AKT3: variants seen among roughly 807,000 people sequenced by gnomAD.
AKT3 encodes the protein RAC-gamma serine/threonine-protein kinase.
A neutral mutation model predicts 65.3 loss-of-function variants in AKT3; 15 were observed. The ratio of observed to expected loss-of-function variants is 0.23; its 90% CI spans 0.15 to 0.35. AKT3 has a LOEUF of 0.35. AKT3 is among the 10% of genes least tolerant of loss of function. The probability of loss-of-function intolerance (pLI) is 1.00; values close to 1 mark genes in which losing one functional copy is unlikely to be tolerated. For missense variants in AKT3, 243 were observed against 576.5 expected (o/e 0.42, Z 5.92); for synonymous variants, 206 against 183.8 (o/e 1.12, Z -0.98).
At chr1:243,520,468 C>T (rs544013091) in intron 12 of AKT3, among the ~76,000 whole-genome samples, 9 of 152,334 alleles carry the variant, frequency 5.9e-5, no homozygotes, top group African/African-American at 1.9e-4. Context: ...CAGCTTTAAA[C>T]CAGTATCTTC....
intron 12 of AKT3, among the ~76,000 whole-genome samples, chr1:243,534,903 A>C (rs902100756): frequency 6.6e-6 from 1 of 152,098 alleles, no homozygotes; most frequent in Non-Finnish European, 1.5e-5. Flanking sequence ...AAATAATCTA[A>C]GCTTTCAGGT....
At chr1:243,822,442 G>GGA (rs564389876) in intron 2 of AKT3, among the ~76,000 whole-genome samples, 3 of 149,456 alleles carry the variant, frequency 2.0e-5, no homozygotes, top group Non-Finnish European at 4.4e-5. Context: ...CAGAGCTGAA[G>GGA]GAGAGAGAGA....
chr1:243,595,617 G>A (rs1001328471), intron 8 of AKT3, among the ~76,000 whole-genome samples: 5 of 151,286 alleles, frequency 3.3e-5, no homozygotes, highest in Admixed American at 6.6e-5. Flanking sequence ...TTTTTTTAAC[G>A]TCTTTAACTT....
At position 243,490,345 on chromosome 1, in the gene AKT3, G is replaced by A. The variant is rs1199293904; in HGVS notation, c.*7-1895C>T. ...TGGGGGAGCGGGCCGCTCAAAGTCCGAGCCACAGCCGCACTGCCACAGCTA... is the reference window on the plus strand; with the variant it reads ...TGGGGGAGCGGGCCGCTCAAAGTCCAAGCCACAGCCGCACTGCCACAGCTA... On this transcript the variant is annotated intron_variant, in intron 13 of 13. Transcript: ENST00000336199. Among the ~76,000 whole-genome samples the A allele has an allele frequency of 3.9e-5, 6 of 152,232 alleles. No homozygotes were observed. The South Asian group carries it at 6.2e-4, about 16-fold the overall frequency.
intron 9 of AKT3, among the ~76,000 whole-genome samples, chr1:243,565,466 C>A (rs1169584430): frequency 1.3e-5 from 2 of 152,296 alleles, no homozygotes; most frequent in Admixed American, 1.3e-4. Context: ...TTCAAGCAAT[C>A]CACCCACCTC....
intron 4 of AKT3, among the ~76,000 whole-genome samples, chr1:243,653,619 G>A (rs983310972): frequency 6.6e-6 from 1 of 152,140 alleles, no homozygotes; most frequent in African/African-American, 2.4e-5. Context: ...GTATATCAAG[G>A]TGGTTGACAA....
At chr1:243,839,767 C>T (rs1159133393) in intron 2 of AKT3, among the ~76,000 whole-genome samples, 4 of 147,620 alleles carry the variant, frequency 2.7e-5, no homozygotes, top group African/African-American at 5.0e-5. Flanking sequence ...TATAGTCTTA[C>T]GAAAAAAGAC....
At chr1:243,795,968 C>G (rs1691978470) in intron 2 of AKT3, among the ~76,000 whole-genome samples, 1 of 152,192 alleles carries the variant, frequency 6.6e-6, no homozygotes, top group African/African-American at 2.4e-5. Flanking sequence ...GATTTTCCGA[C>G]CAGCTCCCCT....
intron 2 of AKT3, among the ~76,000 whole-genome samples, chr1:243,820,227 T>TA (rs915741000): frequency 4.3e-4 from 66 of 152,140 alleles, no homozygotes; most frequent in African/African-American, 1.5e-3. Flanking sequence ...CCCTAACTGT[T>TA]AAAAGAGAAA....
chr1:243,590,012 T>C (rs1676113582), intron 8 of AKT3, among the ~76,000 whole-genome samples: 3 of 152,174 alleles, frequency 2.0e-5, no homozygotes, highest in Non-Finnish European at 4.4e-5. Context: ...TACTGTATGA[T>C]CCACTTATAT....
chr1:243,689,347 T>C (rs1684541789), intron 3 of AKT3, among the ~76,000 whole-genome samples: 1 of 152,098 alleles, frequency 6.6e-6, no homozygotes, highest in South Asian at 2.1e-4. Flanking sequence ...CTAGGTTGTA[T>C]TATCTGTTAC....
At chr1:243,625,744 G>A (rs1679111248) in intron 6 of AKT3, among the ~76,000 whole-genome samples, 1 of 152,184 alleles carries the variant, frequency 6.6e-6, no homozygotes, top group African/African-American at 2.4e-5. Context: ...AATAGATTGT[G>A]AGAGTGACTA....
downstream of AKT3, among the ~76,000 whole-genome samples, chr1:243,497,677 ATTTTAC>A (rs1668372384): frequency 6.6e-6 from 1 of 152,052 alleles, no homozygotes; most frequent in Non-Finnish European, 1.5e-5. Flanking sequence ...TCCGCAACAC[ATTTTAC>A]TTTTACTTCA....
At chr1:243,561,408 G>T (rs1435915011) in intron 10 of AKT3, among the ~76,000 whole-genome samples, 1 of 152,030 alleles carries the variant, frequency 6.6e-6, no homozygotes, top group Non-Finnish European at 1.5e-5. Context: ...AGGCCAGGAC[G>T]TATGTAGTTT....
intron 4 of AKT3, among the ~76,000 whole-genome samples, chr1:243,649,334 TG>T (rs1681099646): frequency 6.6e-6 from 1 of 150,574 alleles, no homozygotes; most frequent in African/African-American, 2.5e-5. Flanking sequence ...TGTGTGTGTG[TG>T]TGTGTGTGTG....
At chr1:243,603,796 T>A (rs1208698450) in intron 8 of AKT3, among the ~76,000 whole-genome samples, 2 of 152,160 alleles carry the variant, frequency 1.3e-5, no homozygotes, top group African/African-American at 4.8e-5. Context: ...GGAAATCATA[T>A]GATACTTCTC....
At chr1:243,839,532 A>G (rs1319964260) in intron 2 of AKT3, among the ~76,000 whole-genome samples, 3 of 152,218 alleles carry the variant, frequency 2.0e-5, no homozygotes, top group Non-Finnish European at 4.4e-5. Flanking sequence ...TGTTATCTCA[A>G]TTAATACTTA....
At chr1:243,608,746 T>C (rs943736158) in intron 8 of AKT3, among the ~76,000 whole-genome samples, 1 of 33,388 alleles carries the variant, frequency 3.0e-5, no homozygotes. Context: ...TTTTTTGCTT[T>C]TTTTTTTTTT....
chr1:243,556,083 CAA>C (rs1342019261), intron 10 of AKT3, among the ~76,000 whole-genome samples: 1 of 152,036 alleles, frequency 6.6e-6, no homozygotes, highest in Non-Finnish European at 1.5e-5. Flanking sequence ...AAACAGAGCA[CAA>C]AGTCTAGAAA....
Sources: allele counts gnomAD v4.1 joint callset (sites outside exome capture counted in the v4.1 genomes callset), GRCh38; gene constraint gnomAD v4.1.1; transcripts MANE v1.5; gene names NCBI Gene and HGNC (gene_info 2026-07-23, HGNC 2026-07-21).